The following RNF220 variants were observed in gnomAD, a reference collection of about 807,000 sequenced individuals.
RNF220 encodes the protein ring finger protein 220.
RNF220 carries 7 observed loss-of-function variants against 67.1 expected under a neutral mutation model. The observed-to-expected ratio is 0.10, with a 90% CI of 0.06 to 0.20. The LOEUF is 0.20. Ranked by LOEUF, RNF220 falls within the 10% of genes least tolerant of loss-of-function variation. RNF220 has a pLI of 1.00. For synonymous variants in RNF220, 270 were observed against 283.2 expected (o/e 0.95, Z 0.47); for missense variants, 565 against 740.3 (o/e 0.76, Z 2.75).
In RNF220 at chr1:44,405,267, G is replaced by C. The variant is rs1417658953; in HGVS notation, c.-381G>C. The C allele has an allele frequency of 2.5e-6, 1 of 403,508 alleles. No homozygotes were observed. Among genetic ancestry groups the C allele is most frequent in the African/African-American group, 2.1e-5 (1 of 46,740 alleles). 25.0% of individuals were successfully genotyped at this position (403,508 alleles called of 1,614,324 possible). A position where few individuals can be genotyped will look rare whatever the true frequency, so the allele number is the denominator to read the frequency against. On this transcript the variant is annotated 5_prime_UTR_variant, in exon 1 of 15. Coordinates refer to ENST00000361799, the MANE Select transcript of RNF220 (RefSeq NM_018150.4). ...AGAGTGGAGGCTCATTCACTGATTA[G>C]ATCCAGCGCTGAGAGGCAGCACTGC... is the stretch of plus-strand genomic sequence containing the variant.
chr1:44,445,096 C>A lies in RNF220; in HGVS notation c.625+32374C>A, dbSNP rs372824242. ...TATAAATTTAGTTTTTGTCTACATTCCCGTGGTTACTGATAAGCTAGAGCA... is the reference window on the plus strand; with the variant it reads ...TATAAATTTAGTTTTTGTCTACATTACCGTGGTTACTGATAAGCTAGAGCA... On this transcript the variant is annotated intron_variant, in intron 2 of 14. Transcript: ENST00000361799. Among the ~76,000 whole-genome samples, 206 of 152,236 alleles carry A rather than the reference C, an allele frequency of 1.4e-3. 1 individual carries two copies. Among genetic ancestry groups the A allele is most frequent in the African/African-American group, 4.9e-3 (203 of 41,528 alleles).
chr1:44,619,107 GC>G (rs1417857636), intron 3 of RNF220, among the ~76,000 whole-genome samples: 1 of 152,128 alleles, frequency 6.6e-6, no homozygotes, highest in Non-Finnish European at 1.5e-5. Context: ...GAAGGAGTTG[GC>G]CCCCAGACTT....
At chr1:44,419,397 C>T (rs1456635948) in intron 2 of RNF220, 1 of 152,180 alleles carries the variant, frequency 6.6e-6, no homozygotes, top group African/African-American at 2.4e-5. Context: ...AAATGATAGG[C>T]TGTAGTATGA....
intron 2 of RNF220, among the ~76,000 whole-genome samples, chr1:44,446,942 G>A (rs1471872093): frequency 1.3e-5 from 2 of 152,258 alleles, no homozygotes; most frequent in African/African-American, 2.4e-5. Context: ...CACCTGCAGC[G>A]ATGCATAATT....
intron 2 of RNF220, among the ~76,000 whole-genome samples, chr1:44,537,044 C>G (rs1164707738): frequency 7.2e-6 from 1 of 139,484 alleles, no homozygotes; most frequent in Admixed American, 7.9e-5. Flanking sequence ...CACACAAGTT[C>G]TAGTATATTA....
chr1:44,544,911 G>GA lies in RNF220; in HGVS notation c.626-69249dup, dbSNP rs1339044104. Among the ~76,000 whole-genome samples, 3 of 152,222 alleles carry GA rather than the reference G, an allele frequency of 2.0e-5. No homozygotes were observed. The East Asian group carries it at 5.8e-4, about 29-fold the overall frequency. On this transcript the variant is annotated intron_variant, in intron 2 of 14. Transcript: ENST00000361799. The stretch of plus-strand genomic sequence containing the variant: ...TCTCCATTCTCCCACTGGGTACAGA[G>GA]AAAAACCACAGGAAAATGGTGAGAA...
At chr1:44,491,242 A>G (rs1307665956) in intron 2 of RNF220, among the ~76,000 whole-genome samples, 5 of 152,156 alleles carry the variant, frequency 3.3e-5, no homozygotes, top group Admixed American at 3.3e-4. Flanking sequence ...TCATGAAGCC[A>G]CTATTACTCT....
chr1:44,650,754 C>G lies in RNF220; in HGVS notation c.1680C>G (p.Asp560Glu), dbSNP rs952267265. ...PQCNTITAPGDLRRIYL is the reference protein window; with the variant it reads ...PQCNTITAPGELRRIYL ...GCAACACGATCACAGCGCCCGGAGA[C>G]CTGCGGAGGATCTACTTGTGAGCTA... Residue 560 changes from aspartate (D) to glutamate (E), a missense_variant, in exon 15 of 15, where the codon GAC becomes GAG. Physicochemically the swap from Asp to Glu is conservative, Grantham distance 45 (BLOSUM62 2). Transcript: ENST00000361799. The surrounding 1 kb of genome is among the most constrained non-coding windows in gnomAD (Gnocchi z 4.3). The G allele has an allele frequency of 6.2e-7, 1 of 1,613,918 alleles. No individual in the cohort carries two copies. Among genetic ancestry groups the G allele is most frequent in the Non-Finnish European group, 8.5e-7 (1 of 1,179,974 alleles).
At chr1:44,462,671 T>C (rs1458721160) in intron 2 of RNF220, among the ~76,000 whole-genome samples, 1 of 152,202 alleles carries the variant, frequency 6.6e-6, no homozygotes, top group African/African-American at 2.4e-5. Flanking sequence ...ATTTTCTTTA[T>C]AGAAAAATGA....
Position 44,650,294 on chromosome 1 carries a change from C to G in RNF220, c.1629+337C>G, listed in dbSNP as rs1297617597. The G allele has an allele frequency of 8.0e-6, 4 of 501,484 alleles. No homozygotes were observed. The highest frequency in any genetic ancestry group is 1.9e-5 in the African/African-American group (1 of 52,098). 31.1% of individuals were successfully genotyped at this position (501,484 alleles called of 1,614,324 possible). ...ACAGGACCAGGGCCTTGGCCCCTCC[C>G]CCTCCCATTACTAAGCTCCTTCTGC... On this transcript the variant is annotated intron_variant, in intron 14 of 14. Coordinates refer to ENST00000361799, the MANE Select transcript of RNF220 (RefSeq NM_018150.4). The surrounding 1 kb of genome is among the most constrained non-coding windows in gnomAD (Gnocchi z 4.3).
chr1:44,619,917 C>T (rs1643723528), intron 3 of RNF220, among the ~76,000 whole-genome samples: 1 of 152,086 alleles, frequency 6.6e-6, no homozygotes, highest in Non-Finnish European at 1.5e-5. Flanking sequence ...CAGGTAGTAC[C>T]AATGCAATGC....
At chr1:44,437,928 A>C (rs1251797410) in intron 2 of RNF220, among the ~76,000 whole-genome samples, 1 of 152,124 alleles carries the variant, frequency 6.6e-6, no homozygotes, top group African/African-American at 2.4e-5. Context: ...AAAGATTGTA[A>C]TACCTGGCCT....
intron 2 of RNF220, among the ~76,000 whole-genome samples, chr1:44,605,271 C>T (rs1667191182): frequency 1.4e-5 from 2 of 145,946 alleles, no homozygotes; most frequent in East Asian, 1.9e-4. Flanking sequence ...TGCACTCCAG[C>T]CTGTGACAGA....
chr1:44,428,629 G>A (rs1010100046), intron 2 of RNF220, among the ~76,000 whole-genome samples: 2 of 152,000 alleles, frequency 1.3e-5, no homozygotes, highest in Non-Finnish European at 2.9e-5. Context: ...TTTAGTTAAC[G>A]ATGGATGCTC....
At chr1:44,439,465 T>G (rs561248706) in intron 2 of RNF220, among the ~76,000 whole-genome samples, 1 of 152,210 alleles carries the variant, frequency 6.6e-6, no homozygotes, top group Non-Finnish European at 1.5e-5. Flanking sequence ...GTTGCATTTT[T>G]TTTCAGTTTA....
At chr1:44,433,729 G>T (rs909939673) in intron 2 of RNF220, among the ~76,000 whole-genome samples, 16 of 152,156 alleles carry the variant, frequency 1.1e-4, no homozygotes, top group African/African-American at 3.9e-4. Context: ...CCACCACTTT[G>T]GGAGGCTGAG....
chr1:44,519,644 G>T (rs1447865617), intron 2 of RNF220, among the ~76,000 whole-genome samples: 1 of 152,204 alleles, frequency 6.6e-6, no homozygotes, highest in Non-Finnish European at 1.5e-5. Flanking sequence ...CGAGCTCAAG[G>T]TGCTCCACGG....
intron 2 of RNF220, among the ~76,000 whole-genome samples, chr1:44,581,472 T>C (rs1558062925): frequency 6.6e-6 from 1 of 152,184 alleles, no homozygotes; most frequent in African/African-American, 2.4e-5. Context: ...TTCCCACACA[T>C]GCCTGGGGAG....
intron 2 of RNF220, among the ~76,000 whole-genome samples, chr1:44,491,047 T>C (rs1001722580): frequency 2.6e-5 from 4 of 151,938 alleles, no homozygotes; most frequent in Admixed American, 6.6e-5. Context: ...AGAAGAAAAA[T>C]CTGCATAGAC....
Sources: allele counts gnomAD v4.1 joint callset (sites outside exome capture counted in the v4.1 genomes callset), GRCh38; gene constraint gnomAD v4.1.1; non-coding constraint Gnocchi (gnomAD v3.1); transcripts MANE v1.5; gene names NCBI Gene and HGNC (gene_info 2026-07-23, HGNC 2026-07-21).